The following CRK variants were observed in gnomAD, a reference collection of about 807,000 sequenced individuals.
CRK encodes the protein adapter molecule crk.
CRK carries 4 observed loss-of-function variants against 29.8 expected under a neutral mutation model. The ratio of observed to expected loss-of-function variants is 0.13; its 90% CI spans 0.07 to 0.31. The LOEUF (loss-of-function observed/expected upper bound fraction) is 0.31. CRK is among the 10% of genes least tolerant of loss of function. The pLI is 1.00. For missense variants in CRK, 274 were observed against 396.5 expected, an observed-to-expected ratio of 0.69 and a Z score of 2.62; for synonymous variants, 153 against 164.9, an observed-to-expected ratio of 0.93 and a Z score of 0.55.
chr17:1,437,012 G>A lies in CRK; in HGVS notation c.385C>T (p.Leu129Phe). 6.2e-7 allele frequency: 1 copy of A among 1,614,110 alleles called. No homozygotes were observed. The highest frequency in any genetic ancestry group is 1.1e-5 in the South Asian group (1 of 91,084). The change falls in exon 2 of 3, where the codon CTC becomes TTC. Residue 129 changes from leucine (L) to phenylalanine (F), a missense_variant. Physicochemically the swap from Leu to Phe is conservative, Grantham distance 22. Coordinates refer to ENST00000300574, the MANE Select transcript of CRK (RefSeq NM_016823.4). ...ACATACTCCGCCTCCTCCTGCCTGA[G>A]AATCACTCCACTACCCTGCCTGGAT... The part of the protein sequence containing the change: ...SRSRQGSGVI[L>F]RQEEAEYVRA...
intron 2 of CRK, among the ~76,000 whole-genome samples, chr17:1,435,090 C>CA (rs998022330): frequency 1.3e-5 from 2 of 152,070 alleles, no homozygotes; most frequent in African/African-American, 2.4e-5. Context: ...GACAGAGTCT[C>CA]ACCCTGTCGC....
chr17:1,446,374 A>G (rs1268406244), intron 1 of CRK, among the ~76,000 whole-genome samples: 2 of 152,110 alleles, frequency 1.3e-5, no homozygotes, highest in African/African-American at 4.8e-5. Context: ...CTCCACTGGA[A>G]GAAGGAAGGT....
chr17:1,454,108 G>A (rs1385477403), intron 1 of CRK, among the ~76,000 whole-genome samples: 1 of 152,034 alleles, frequency 6.6e-6, no homozygotes, highest in Non-Finnish European at 1.5e-5. Context: ...AGGAGGCTGA[G>A]GCAGAATCAC....
chr17:1,433,867 T>TA (rs1157330008), intron 2 of CRK, among the ~76,000 whole-genome samples: 56 of 144,134 alleles, frequency 3.9e-4, no homozygotes, highest in Admixed American at 7.1e-4. Context: ...GGCTAATTTT[T>TA]AAAAACATTT....
chr17:1,430,707 C>G (rs910138832), intron 2 of CRK, among the ~76,000 whole-genome samples: 2 of 151,448 alleles, frequency 1.3e-5, no homozygotes, highest in Non-Finnish European at 2.9e-5. Flanking sequence ...TGTAAGCAAT[C>G]AATTGGGCTA....
intron 1 of CRK, among the ~76,000 whole-genome samples, chr17:1,455,343 G>A (rs1362110663): frequency 6.6e-6 from 1 of 152,122 alleles, no homozygotes; most frequent in Non-Finnish European, 1.5e-5. Context: ...GCCCAAGAAA[G>A]GAAAAAATTG....
rs781401346 is a variant in CRK at position 1,423,589 on chromosome 17, T to C, written c.839A>G (p.Asn280Ser). The C allele has an allele frequency of 6.2e-7, 1 of 1,614,156 alleles. No homozygotes were observed. The highest frequency in any genetic ancestry group is 1.1e-5 in the South Asian group (1 of 91,078). Residue 280 changes from asparagine to serine, a missense_variant, in exon 3 of 3, where the codon AAT becomes AGT. Asn to Ser is a conservative substitution (Grantham distance 46). Coordinates refer to ENST00000300574, the MANE Select transcript of CRK (RefSeq NM_016823.4). ...GAATGGGAAGTGACCTCGTTTGCCA[T>C]TACACTCCCCTTCCCACTGACCACT... Reference protein sequence around the residue: ...NVSGQWEGECNGKRGHFPFTH... With the variant: ...NVSGQWEGECSGKRGHFPFTH...
chr17:1,446,296 G>C (rs1214844034), intron 1 of CRK, among the ~76,000 whole-genome samples: 1 of 152,150 alleles, frequency 6.6e-6, no homozygotes. Context: ...ATAACGCACT[G>C]TGTCCTGAGA....
intron 1 of CRK, among the ~76,000 whole-genome samples, chr17:1,437,819 A>G (rs1434980138): frequency 7.1e-6 from 1 of 141,504 alleles, no homozygotes; most frequent in Non-Finnish European, 1.5e-5. Flanking sequence ...ATGACAAGCT[A>G]ATTTTTTTTT....
rs778793991 is a variant in CRK at position 1,427,072 on chromosome 17, A to AAAAAAAAAAAAAAAG, written c.778-3423_778-3422insCTTTTTTTTTTTTTT. 2.2e-4 allele frequency among the ~76,000 whole-genome samples: 20 copies of AAAAAAAAAAAAAAAG among 92,074 alleles called. 4 individuals are homozygous for AAAAAAAAAAAAAAAG. The highest frequency in any genetic ancestry group is 4.0e-4 in the Non-Finnish European group (19 of 47,912). The allele number at this position is 92,074 out of a possible 152,430, so 60.4% of individuals were successfully genotyped here. A position where few individuals can be genotyped will look rare whatever the true frequency, so the allele number is the denominator to read the frequency against. On this transcript the variant is annotated intron_variant, in intron 2 of 2. Transcript: ENST00000300574. ...AAAAAAAAAAAAAAAAAAAAAAAAA[A>AAAAAAAAAAAAAAAG]GATTCTGACATGCCCCAGCCAGGCT...
intron 2 of CRK, among the ~76,000 whole-genome samples, chr17:1,429,892 C>A (rs2073821419): frequency 6.6e-6 from 1 of 151,506 alleles, no homozygotes; most frequent in African/African-American, 2.4e-5. Flanking sequence ...AACTGGGCAC[C>A]CTTGCTTGGG....
intron 1 of CRK, among the ~76,000 whole-genome samples, chr17:1,440,679 G>A (rs748267880): frequency 6.6e-6 from 1 of 152,074 alleles, no homozygotes; most frequent in Non-Finnish European, 1.5e-5. Flanking sequence ...TTGGGAGGCC[G>A]AGGCGGGTGG....
rs568991583 is a variant in CRK, at chr17:1,430,398, C to T, written c.777+6222G>A. ...TTGAGACAGAGTCTCGCTCTGTCGC[C>T]CAGGCTGGAGTGCAGTGGCGCGATC... On this transcript the variant is annotated intron_variant, in intron 2 of 2. Coordinates refer to ENST00000300574, the MANE Select transcript of CRK (RefSeq NM_016823.4). Among the ~76,000 whole-genome samples the T allele has an allele frequency of 1.0e-3, 155 of 151,024 alleles. 2 individuals are homozygous for T. Among genetic ancestry groups the T allele is most frequent in the South Asian group, 1.9e-3 (9 of 4,776 alleles).
At chr17:1,444,598 G>C (rs997710432) in intron 1 of CRK, among the ~76,000 whole-genome samples, 5 of 144,762 alleles carry the variant, frequency 3.5e-5, no homozygotes, top group East Asian at 2.4e-4. Context: ...GCCGAAGCGG[G>C]GGGGGGGATC....
chr17:1,434,522 C>T (rs1240170174), intron 2 of CRK, among the ~76,000 whole-genome samples: 14 of 152,156 alleles, frequency 9.2e-5, no homozygotes, highest in Admixed American at 7.9e-4. Flanking sequence ...ACAGCTCACA[C>T]CTGTAATCCC....
chr17:1,455,893 G>T lies in CRK; in HGVS notation c.225C>A (p.Pro75=). ...SGPRPPVPPS[P]AQPPPGVSPS... ...GTCCCTCACCGGGCGGAGGCTGGGC[G>T]GGCGACGGTGGCACCGGCGGGCGCG... The change falls in exon 1 of 3, where the codon CCC becomes CCA. Residue 75 remains proline (P), a synonymous_variant. Coordinates refer to ENST00000300574, the MANE Select transcript of CRK (RefSeq NM_016823.4). 2 of 1,588,410 alleles carry T rather than the reference G, an allele frequency of 1.3e-6. No individual in the cohort carries two copies. Among genetic ancestry groups the T allele is most frequent in the Non-Finnish European group, 8.6e-7 (1 of 1,169,474 alleles).
rs372538657 is a variant in CRK, at chr17:1,452,032, GA to G, written c.241+3844del. Among the ~76,000 whole-genome samples the G allele has an allele frequency of 3.4e-3, 525 of 152,230 alleles. 4 individuals are homozygous for G. The highest frequency in any genetic ancestry group is 0.012 in the African/African-American group (492 of 41,550). ...ACACCAAGTCTTAGACTCCAGGGCA[GA>G]GGCAAAGTATTGAGGATATTGAGGA... On this transcript the variant is annotated intron_variant, in intron 1 of 2. Transcript: ENST00000300574.
chr17:1,430,552 A>G (rs1163277153), intron 2 of CRK, among the ~76,000 whole-genome samples: 1 of 144,552 alleles, frequency 6.9e-6, no homozygotes, highest in African/African-American at 2.6e-5. Context: ...TTTTTAGTAG[A>G]GATGGGATTT....
intron 1 of CRK, among the ~76,000 whole-genome samples, chr17:1,442,973 TC>T: frequency 8.1e-6 from 1 of 122,826 alleles, no homozygotes; most frequent in Non-Finnish European, 1.8e-5. Flanking sequence ...CACAGCAACC[TC>T]CCTTTCTTTC....
Sources: allele counts gnomAD v4.1 joint callset (sites outside exome capture counted in the v4.1 genomes callset), GRCh38; gene constraint gnomAD v4.1.1; transcripts MANE v1.5; gene names NCBI Gene and HGNC (gene_info 2026-07-23, HGNC 2026-07-21).